RIC8B: variants seen among roughly 807,000 people sequenced by gnomAD.
The protein encoded by RIC8B is RIC8 guanine nucleotide exchange factor B.
A neutral mutation model predicts 57.5 loss-of-function variants in RIC8B; 16 were observed. The ratio of observed to expected loss-of-function variants is 0.28; its 90% CI spans 0.19 to 0.42. The LOEUF (loss-of-function observed/expected upper bound fraction) is 0.42. Among genes scored for constraint, RIC8B ranks in the 10% least tolerant of loss-of-function variants. RIC8B has a pLI of 1.00. For synonymous variants in RIC8B, 216 were observed against 250.8 expected (o/e 0.86, Z 1.31); for missense variants, 481 against 677.0 (o/e 0.71, Z 3.21).
chr12:106,842,088 T>C (rs1056877931), intron 4 of RIC8B, among the ~76,000 whole-genome samples: 1 of 152,226 alleles, frequency 6.6e-6, no homozygotes, highest in Non-Finnish European at 1.5e-5. Flanking sequence ...TTAAATTGTA[T>C]TTTCTACATT....
chr12:106,831,472 G>C (rs1393314139), intron 4 of RIC8B, among the ~76,000 whole-genome samples: 1 of 151,984 alleles, frequency 6.6e-6, no homozygotes, highest in Non-Finnish European at 1.5e-5. Context: ...CTCTCTAAAG[G>C]CCTTCTGCAC....
chr12:106,804,274 G>A (rs566117608), intron 2 of RIC8B, among the ~76,000 whole-genome samples: 198 of 151,280 alleles, frequency 1.3e-3, no homozygotes, highest in Admixed American at 2.5e-3. Context: ...GAGTGCAATG[G>A]CGTGATCTCT....
intron 6 of RIC8B, among the ~76,000 whole-genome samples, chr12:106,846,595 CCTTGA>C (rs1428472235): frequency 6.6e-6 from 1 of 151,966 alleles, no homozygotes; most frequent in Non-Finnish European, 1.5e-5. Context: ...AGACATTCTC[CCTTGA>C]CTAGGAGGAG....
intron 9 of RIC8B, among the ~76,000 whole-genome samples, chr12:106,872,687 C>A (rs12824306): frequency 0.45 from 63,391 of 139,470 alleles, 14,648 homozygotes; most frequent in African/African-American, 0.55. Flanking sequence ...AAAAAAAAAA[C>A]AAACCCGACA....
intron 8 of RIC8B, among the ~76,000 whole-genome samples, chr12:106,863,401 T>G (rs759974324): frequency 9.9e-5 from 15 of 152,120 alleles, no homozygotes; most frequent in Non-Finnish European, 2.1e-4. Context: ...GACCATATTT[T>G]TCTCAGCTGT....
intron 1 of RIC8B, among the ~76,000 whole-genome samples, chr12:106,782,041 T>A (rs2043788743): frequency 6.6e-6 from 1 of 152,140 alleles, no homozygotes; most frequent in South Asian, 2.1e-4. Context: ...TTCTTTATTA[T>A]CTATTTAAAA....
intron 7 of RIC8B, among the ~76,000 whole-genome samples, 185 bp downstream of exon 7, chr12:106,851,779 A>G (rs1949486740): frequency 6.6e-6 from 1 of 152,218 alleles, no homozygotes; most frequent in Non-Finnish European, 1.5e-5. Context: ...TTCTGAATTC[A>G]TTGAGACATG....
At chr12:106,810,569 G>C (rs1458855244) in intron 2 of RIC8B, among the ~76,000 whole-genome samples, 2 of 152,170 alleles carry the variant, frequency 1.3e-5, no homozygotes, top group Non-Finnish European at 2.9e-5. Context: ...ATTTTATGTT[G>C]AAAGTGGGTT....
At chr12:106,807,306 A>G (rs907313379) in intron 2 of RIC8B, among the ~76,000 whole-genome samples, 1 of 152,254 alleles carries the variant, frequency 6.6e-6, no homozygotes, top group Non-Finnish European at 1.5e-5. Flanking sequence ...TTTACAAAAT[A>G]TGAGTGTTTA....
In RIC8B at chr12:106,814,469, C is replaced by T. The variant is rs190962182; in HGVS notation, c.133-227C>T. 2.2e-3 allele frequency among the ~76,000 whole-genome samples: 342 copies of T among 152,232 alleles called. 1 individual carries two copies. Among genetic ancestry groups the T allele is most frequent in the African/African-American group, 7.9e-3 (330 of 41,536 alleles). On this transcript the variant is annotated intron_variant, in intron 2 of 9. Transcript: ENST00000392837. ...GACAAATATGAACCAATTCTTGAGA[C>T]GTTAATCTTTATTTCTGGGAAGGGA... is the stretch of plus-strand genomic sequence containing the variant.
At chr12:106,779,234 T>A (rs2043636880) in intron 1 of RIC8B, among the ~76,000 whole-genome samples, 1 of 99,226 alleles carries the variant, frequency 1.0e-5, no homozygotes, top group Non-Finnish European at 2.3e-5. Context: ...CCTATATACA[T>A]TTTTTTTTTT....
chr12:106,785,623 A>T (rs1177901827), intron 2 of RIC8B, among the ~76,000 whole-genome samples: 1 of 152,086 alleles, frequency 6.6e-6, no homozygotes, highest in African/African-American at 2.4e-5. Flanking sequence ...TTTCTTTTGG[A>T]TTTGAACAAT....
rs1368780875 is a variant in RIC8B at position 106,879,083 on chromosome 12, G to A, written c.1572-6821G>A. 31 of 985,618 alleles carry A rather than the reference G, an allele frequency of 3.1e-5. No homozygotes were observed. Among genetic ancestry groups the A allele is most frequent in the Middle Eastern group, 5.2e-4 (1 of 1,936 alleles). 61.1% of individuals were successfully genotyped at this position (985,618 alleles called of 1,614,324 possible). On this transcript the variant is annotated intron_variant, in intron 9 of 9. Coordinates refer to ENST00000392837, the MANE Select transcript of RIC8B (RefSeq NM_001330145.2). This position sits in a 1 kb window ranked among gnomAD's most constrained non-coding sequence, Gnocchi z 4.9. The stretch of plus-strand genomic sequence containing the variant: ...AAAACAAGGGAATGATTTTTGAGTC[G>A]TTATCAAGCTAAGTGGCAAGCGGGA...
chr12:106,840,714 A>G (rs1339044242), intron 4 of RIC8B, among the ~76,000 whole-genome samples: 1 of 152,150 alleles, frequency 6.6e-6, no homozygotes, highest in Non-Finnish European at 1.5e-5. Flanking sequence ...GTTGAATCAA[A>G]CTCTACATTT....
chr12:106,870,956 A>G lies in RIC8B; in HGVS notation c.1571+14A>G, dbSNP rs1227923704. On this transcript the variant is annotated intron_variant, in intron 9 of 9. Transcript: ENST00000392837. ...TAAACTTTCCAGGTATTGTATTCCC[A>G]TCCATTTTTTGCTTGGTTTCTAAAA... is the stretch of plus-strand genomic sequence containing the variant. 3.2e-6 allele frequency: 5 copies of G among 1,543,944 alleles called. No homozygotes were observed. Among genetic ancestry groups the G allele is most frequent in the South Asian group, 1.2e-5 (1 of 82,808 alleles).
In RIC8B at chr12:106,886,941, G is replaced by A. The variant is rs769217693; in HGVS notation, c.*926G>A. Reference sequence around the variant, plus strand: ...CATCACATTTTAAATTGGGGACTGTGTGTGCTGGTGTGTGTGTGAGTTCTA... The same window carrying A: ...CATCACATTTTAAATTGGGGACTGTATGTGCTGGTGTGTGTGTGAGTTCTA... On this transcript the variant is annotated 3_prime_UTR_variant, in exon 10 of 10. Coordinates refer to ENST00000392837, the MANE Select transcript of RIC8B (RefSeq NM_001330145.2). 6.6e-6 allele frequency: 1 copy of A among 152,556 alleles called. No individual in the cohort carries two copies. The highest frequency in any genetic ancestry group is 2.4e-5 in the African/African-American group (1 of 41,410). The allele number at this position is 152,556 out of a possible 1,614,324, so 9.5% of individuals were successfully genotyped here. A position where few individuals can be genotyped will look rare whatever the true frequency, so the allele number is the denominator to read the frequency against.
chr12:106,844,459 C>G lies in RIC8B; in HGVS notation c.1161+512C>G, dbSNP rs182618739. Among the ~76,000 whole-genome samples, 429 of 152,206 alleles carry G rather than the reference C, an allele frequency of 2.8e-3. 8 individuals are homozygous for G. The highest frequency in any genetic ancestry group is 8.7e-4 in the Non-Finnish European group (59 of 68,008). On this transcript the variant is annotated intron_variant, in intron 6 of 9. Transcript: ENST00000392837. ...ATGCTTTGGTACACTTAAGGAAAAG[C>G]AAGAAGGCCTGTGTGACTAGGCCAC... is the stretch of plus-strand genomic sequence containing the variant.
chr12:106,870,772 G>A, intron 8 of RIC8B, 51 bp from the exon 9 acceptor site: 1 of 1,386,992 alleles, frequency 7.2e-7, no homozygotes, highest in Non-Finnish European at 9.5e-7. Flanking sequence ...GAAAAGTATA[G>A]AAAGAGCATA....
Position 106,879,745 on chromosome 12 carries a change from A to G in RIC8B, c.1572-6159A>G. On this transcript the variant is annotated intron_variant, in intron 9 of 9. Transcript: ENST00000392837. The surrounding 1 kb of genome is among the most constrained non-coding windows in gnomAD (Gnocchi z 4.9). ...TTATGGTTCCTTATCGTTTAGTAAG[A>G]TCAAATTTCTAAATGATGTTTCGTT... The G allele has an allele frequency of 1.0e-6, 1 of 985,266 alleles. No homozygotes were observed. Among genetic ancestry groups the G allele is most frequent in the African/African-American group, 1.7e-5 (1 of 57,308 alleles). 61.0% of individuals were successfully genotyped at this position (985,266 alleles called of 1,614,324 possible).
Sources: gnomAD v4.1 joint callset for allele counts (sites outside exome capture counted in the v4.1 genomes callset) on GRCh38, gnomAD v4.1.1 for gene constraint, Gnocchi (gnomAD v3.1) non-coding constraint, MANE v1.5 for transcripts, NCBI Gene and HGNC (gene_info 2026-07-23, HGNC 2026-07-21) for gene names.